Variants in PRRC2B observed in about 807,000 individuals in gnomAD.
The protein encoded by PRRC2B is proline rich coiled-coil 2B.
A neutral mutation model predicts 242.3 loss-of-function variants in PRRC2B; 68 were observed. The ratio of observed to expected loss-of-function variants is 0.28; its 90% CI spans 0.23 to 0.34. PRRC2B has a LOEUF of 0.34. Among genes scored for constraint, PRRC2B ranks in the 10% least tolerant of loss-of-function variants. The probability of loss-of-function intolerance (pLI) is 1.00; values close to 1 mark genes in which losing one functional copy is unlikely to be tolerated. For synonymous variants in PRRC2B, 1,228 were observed against 1,173.6 expected, an observed-to-expected ratio of 1.05 and a Z score of -0.95; for missense variants, 2,835 against 2,954.8, an observed-to-expected ratio of 0.96 and a Z score of 0.94.
upstream of PRRC2B, chr9:131,394,070 C>T (rs1836967120): frequency 6.7e-6 from 1 of 149,498 alleles, no homozygotes; most frequent in African/African-American, 2.4e-5. Flanking sequence ...GAGCCGAGCG[C>T]GAGGGAGCGA....
intron 1 of PRRC2B, 77 bp downstream of exon 1, chr9:131,394,340 T>G (rs1376552527): frequency 6.9e-6 from 1 of 144,236 alleles, no homozygotes; most frequent in Non-Finnish European, 1.5e-5. Context: ...CCGGCCGGGC[T>G]TTGTCTCCCG....
intron 1 of PRRC2B, among the ~76,000 whole-genome samples, chr9:131,411,363 T>C (rs1343043310): frequency 1.3e-5 from 2 of 151,246 alleles, no homozygotes; most frequent in Non-Finnish European, 2.9e-5. Flanking sequence ...GTTTTTTTTT[T>C]TGAGACGGAG....
chr9:131,482,570 G>C lies in PRRC2B; in HGVS notation c.5175+8G>C. ...AAGCCATCTGAGCAGAAGGTAACCT[G>C]GACGTTCCAGTCACAGTGGCCAGGG... On this transcript the variant is annotated splice_region_variant and intron_variant, in intron 21 of 31. Transcript: ENST00000683519. The surrounding 1 kb of genome is among the most constrained non-coding windows in gnomAD (Gnocchi z 5.2). 1 of 1,579,898 alleles carries C rather than the reference G, an allele frequency of 6.3e-7. No individual in the cohort carries two copies. The highest frequency in any genetic ancestry group is 8.6e-7 in the Non-Finnish European group (1 of 1,159,662).
chr9:131,477,328 G>A (rs1360321899), intron 16 of PRRC2B, among the ~76,000 whole-genome samples: 2 of 152,232 alleles, frequency 1.3e-5, no homozygotes, highest in African/African-American at 2.4e-5. Context: ...TCTTTCAGGT[G>A]GCATCTAATC....
chr9:131,459,122 G>T (rs1353523754), intron 10 of PRRC2B, 42 bp from the exon 11 acceptor site: 1 of 1,584,422 alleles, frequency 6.3e-7, no homozygotes, highest in Admixed American at 1.7e-5. Context: ...GAAATGCTTG[G>T]CCTGAGTGCA....
At chr9:131,486,306 A>G (rs1435242613) in intron 26 of PRRC2B, 124 bp downstream of exon 26, 2 of 845,480 alleles carry the variant, frequency 2.4e-6, no homozygotes, top group Non-Finnish European at 3.6e-6. Context: ...ACATGTGGTG[A>G]CCAGCACCTG....
intron 1 of PRRC2B, among the ~76,000 whole-genome samples, chr9:131,411,716 G>T (rs1030444908): frequency 7.2e-5 from 11 of 152,124 alleles, no homozygotes; most frequent in Non-Finnish European, 1.5e-4. Context: ...TTTTTTAGTA[G>T]AGAGTGTTAG....
chr9:131,490,362 G>A, intron 28 of PRRC2B: 1 of 488,190 alleles, frequency 2.0e-6, no homozygotes, highest in Non-Finnish European at 4.1e-6. Context: ...TGGCCTCCCT[G>A]CAAGTCAGAT....
At chr9:131,394,638 C>A (rs1388124632) in intron 1 of PRRC2B, among the ~76,000 whole-genome samples, 1 of 151,312 alleles carries the variant, frequency 6.6e-6, no homozygotes, top group East Asian at 1.9e-4. Flanking sequence ...GTCCCGGGCC[C>A]GCAGCCGGGT....
At chr9:131,466,390 T>TGG (rs1160173862) in intron 12 of PRRC2B, among the ~76,000 whole-genome samples, 1 of 152,236 alleles carries the variant, frequency 6.6e-6, no homozygotes, top group African/African-American at 2.4e-5. Context: ...GGTGAACACA[T>TGG]GGTAGTTATT....
At chr9:131,477,689 C>A (rs187690219) in intron 16 of PRRC2B, 55 bp from the exon 17 acceptor site, 2 of 1,071,278 alleles carry the variant, frequency 1.9e-6, no homozygotes, top group Non-Finnish European at 2.8e-6. Context: ...TGTGCACGTG[C>A]GGTGTTTTCC....
intron 3 of PRRC2B, among the ~76,000 whole-genome samples, chr9:131,434,064 C>T (rs1221327238): frequency 6.6e-6 from 1 of 152,038 alleles, no homozygotes; most frequent in East Asian, 1.9e-4. Context: ...GCCTCAGTGT[C>T]CCCCCCTTGA....
upstream of PRRC2B, among the ~76,000 whole-genome samples, chr9:131,391,705 A>G (rs533533038): frequency 2.0e-5 from 3 of 152,300 alleles, no homozygotes; most frequent in South Asian, 2.1e-4. Flanking sequence ...TCACATAGTA[A>G]GTGCTCAGTA....
At position 131,430,064 on chromosome 9, in the gene PRRC2B, T is replaced by C. The variant is rs1466695390; in HGVS notation, c.-51-30T>C. The C allele has an allele frequency of 5.9e-6, 4 of 679,918 alleles. No individual in the cohort carries two copies. The African/African-American group carries it at 7.3e-5, about 12-fold the overall frequency. The allele number at this position is 679,918 out of a possible 1,614,324, so 42.1% of individuals were successfully genotyped here. A position where few individuals can be genotyped will look rare whatever the true frequency, so the allele number is the denominator to read the frequency against. ...CTCTTTTTTTTTTTTCTCTCTCTTTTTTTTTTTTTCTTCTCTATTTCAAAG... is the reference window on the plus strand; with the variant it reads ...CTCTTTTTTTTTTTTCTCTCTCTTTCTTTTTTTTTCTTCTCTATTTCAAAG... On this transcript the variant is annotated intron_variant, in intron 1 of 31. Transcript: ENST00000683519.
At chr9:131,407,389 G>A (rs184595307) in intron 1 of PRRC2B, among the ~76,000 whole-genome samples, 59 of 152,308 alleles carry the variant, frequency 3.9e-4, no homozygotes, top group Non-Finnish European at 7.1e-4. Context: ...TGTTTATAAC[G>A]TGTGTAGTGT....
In PRRC2B at chr9:131,474,946, G is replaced by A. The variant is rs746327829; in HGVS notation, c.2817G>A (p.Ser939=). ...AGCAGACGGGCAGGACCCGGAGGTCGGGACCCATCAAGAAACCAGTCCTGA... is the reference window on the plus strand; with the variant it reads ...AGCAGACGGGCAGGACCCGGAGGTCAGGACCCATCAAGAAACCAGTCCTGA... The part of the protein sequence containing the change: ...HPEQTGRTRR[S]GPIKKPVLKA... The change falls in exon 16 of 32, where the codon TCG becomes TCA. Residue 939 remains serine, a synonymous_variant. Transcript: ENST00000683519. The A allele has an allele frequency of 1.1e-5, 18 of 1,594,826 alleles. No individual in the cohort carries two copies. Among genetic ancestry groups the A allele is most frequent in the African/African-American group, 2.7e-5 (2 of 74,582 alleles).
intron 1 of PRRC2B, among the ~76,000 whole-genome samples, chr9:131,418,028 C>A (rs1325399039): frequency 6.6e-6 from 1 of 152,204 alleles, no homozygotes; most frequent in Non-Finnish European, 1.5e-5. Flanking sequence ...GGAGGGTGAA[C>A]TTCTCTGTCC....
intron 1 of PRRC2B, among the ~76,000 whole-genome samples, chr9:131,403,984 T>C (rs973267321): frequency 3.3e-5 from 5 of 152,146 alleles, no homozygotes; most frequent in African/African-American, 1.2e-4. Flanking sequence ...TCTCGCTATG[T>C]TGACCAAGCT....
At chr9:131,476,819 G>A (rs1254581176) in intron 16 of PRRC2B, among the ~76,000 whole-genome samples, 3 of 150,362 alleles carry the variant, frequency 2.0e-5, no homozygotes, top group Non-Finnish European at 4.4e-5. Context: ...GAGCCCCGCC[G>A]AGGGGCCGCT....
Sources: gnomAD v4.1 joint callset for allele counts (sites outside exome capture counted in the v4.1 genomes callset) on GRCh38, gnomAD v4.1.1 for gene constraint, Gnocchi (gnomAD v3.1) non-coding constraint, MANE v1.5 for transcripts, NCBI Gene and HGNC (gene_info 2026-07-23, HGNC 2026-07-21) for gene names.